The following PLEKHG1 variants were observed in gnomAD, a reference collection of about 807,000 sequenced individuals.
PLEKHG1 encodes pleckstrin homology and RhoGEF domain containing G1.
A neutral mutation model predicts 100.8 loss-of-function variants in PLEKHG1; 44 were observed. The observed-to-expected ratio is 0.44, with a 90% CI of 0.34 to 0.56. PLEKHG1 has a LOEUF of 0.56. Ranked by LOEUF, PLEKHG1 falls within the 20% of genes least tolerant of loss-of-function variation. The pLI is 0.01. For missense variants in PLEKHG1, 1,545 were observed against 1,720.9 expected (o/e 0.90, Z 1.81); for synonymous variants, 640 against 662.5 (o/e 0.97, Z 0.52).
chr6:150,788,437 C>G (rs761234353), intron 4 of PLEKHG1, among the ~76,000 whole-genome samples: 11 of 152,204 alleles, frequency 7.2e-5, no homozygotes, highest in Non-Finnish European at 1.5e-4. Context: ...GGGGCCTGCA[C>G]AGAGATTCAT....
chr6:150,831,090 T>C lies in PLEKHG1; in HGVS notation c.1979T>C (p.Val660Ala), dbSNP rs2128687618. The C allele has an allele frequency of 1.2e-6, 2 of 1,614,084 alleles. No individual in the cohort carries two copies. The highest frequency in any genetic ancestry group is 1.7e-6 in the Non-Finnish European group (2 of 1,179,994). ...TTGACTATTGATGACATAGACCATG[T>C]CTATGATAACATCAGTTATGAGGAC... is the stretch of plus-strand genomic sequence containing the variant. Residue 660 changes from valine (V) to alanine (A), a missense_variant, in exon 15 of 16, where the codon GTC (valine) becomes GCC (alanine). Physicochemically the swap from Val to Ala is moderately conservative, Grantham distance 64. Transcript: ENST00000358517. This position sits in a 1 kb window ranked among gnomAD's most constrained non-coding sequence, Gnocchi z 4.1.
At chr6:150,809,827 T>G in intron 10 of PLEKHG1, 93 bp downstream of exon 11, 1 of 846,914 alleles carries the variant, frequency 1.2e-6, no homozygotes. Flanking sequence ...CGAGATCACA[T>G]CATTGAACTC....
Position 150,648,000 on chromosome 6 carries a change from G to C in PLEKHG1, c.-157-2728G>C, listed in dbSNP as rs1389431312. Among the ~76,000 whole-genome samples the C allele has an allele frequency of 2.6e-5, 4 of 151,518 alleles. No homozygotes were observed. In the East Asian group the frequency reaches 7.8e-4, roughly 29 times the overall value. On this transcript the variant is annotated intron_variant, in intron 2 of 3. Transcript: ENST00000367326. ...TTTCTTTTTTTAAAAAAGTACATTT[G>C]CATTTTTCATCATTTCTCATGAGGG...
rs1776760219 is a variant in PLEKHG1, at chr6:150,610,120, CT to C, written c.-204+10110del. On this transcript the variant is annotated intron_variant, in intron 1 of 3. Transcript: ENST00000367326. ...TCTTTCCTTCTTTCCTTCTTTCTTT[CT>C]TTTTTTCTCTCACTCTGTCACCCAG... Among the ~76,000 whole-genome samples the C allele has an allele frequency of 1.3e-5, 2 of 151,684 alleles. 1 individual carries two copies. The highest frequency in any genetic ancestry group is 4.2e-4 in the South Asian group (2 of 4,816).
chr6:150,705,334 CTT>C lies in PLEKHG1; in HGVS notation c.-98-28247_-98-28246del, dbSNP rs1228167928. 3.9e-5 allele frequency among the ~76,000 whole-genome samples: 6 copies of C among 152,230 alleles called. No homozygotes were observed. The South Asian group carries it at 1.2e-3, about 31-fold the overall frequency. ...ATGGTTTATCTCATCTTCAGGGAAA[CTT>C]TTAAAAAATAAAATCCTGGGATGGG... On this transcript the variant is annotated intron_variant, in intron 3 of 3. Coordinates refer to the PLEKHG1 transcript ENST00000367326.
chr6:150,630,149 G>T (rs928257662), intron 1 of PLEKHG1, among the ~76,000 whole-genome samples: 2 of 152,210 alleles, frequency 1.3e-5, no homozygotes, highest in African/African-American at 4.8e-5. Context: ...TACATGGAAA[G>T]AATGGTACCT....
chr6:150,789,329 C>T (rs991626883), intron 4 of PLEKHG1, among the ~76,000 whole-genome samples: 5 of 151,992 alleles, frequency 3.3e-5, no homozygotes, highest in Non-Finnish European at 5.9e-5. Context: ...CCTTCTAAGC[C>T]GATTTGGGGT....
rs1444047379 is a variant in PLEKHG1, at chr6:150,683,786, G to C, written c.-99+33000G>C. ...AGATGGAGCCATTCTTGGTGGGGCG[G>C]AAGAGGCAGGAAACTGCTGCCTGGA... is the stretch of plus-strand genomic sequence containing the variant. On this transcript the variant is annotated intron_variant, in intron 3 of 3. Transcript: ENST00000367326. This position sits in a 1 kb window ranked among gnomAD's most constrained non-coding sequence, Gnocchi z 4.0. 1 of 1,288,524 alleles carries C rather than the reference G, an allele frequency of 7.8e-7. No homozygotes were observed. The highest frequency in any genetic ancestry group is 1.0e-6 in the Non-Finnish European group (1 of 988,570). 79.8% of individuals were successfully genotyped at this position (1,288,524 alleles called of 1,614,324 possible).
At chr6:150,602,946 T>C (rs917044098) in intron 1 of PLEKHG1, among the ~76,000 whole-genome samples, 1 of 151,040 alleles carries the variant, frequency 6.6e-6, no homozygotes, top group Non-Finnish European at 1.5e-5. Context: ...CCGGGCGAGG[T>C]GGCGGGCACC....
intron 4 of PLEKHG1, among the ~76,000 whole-genome samples, chr6:150,790,820 A>G (rs1414257048): frequency 6.6e-6 from 1 of 151,958 alleles, no homozygotes; most frequent in Admixed American, 6.6e-5. Context: ...TCAGGAGTTC[A>G]AGATCAGCTT....
intron 3 of PLEKHG1, among the ~76,000 whole-genome samples, chr6:150,685,285 G>A (rs749613832): frequency 1.3e-5 from 2 of 152,084 alleles, no homozygotes; most frequent in Non-Finnish European, 2.9e-5. Context: ...TTGACTCTGG[G>A]TGTGACAGGA....
At chr6:150,690,824 C>T (rs1486711988) in intron 3 of PLEKHG1, among the ~76,000 whole-genome samples, 5 of 152,170 alleles carry the variant, frequency 3.3e-5, no homozygotes, top group African/African-American at 1.2e-4. Context: ...CGGTTATTTT[C>T]GTGCCTGTGT....
intron 3 of PLEKHG1, among the ~76,000 whole-genome samples, chr6:150,686,397 T>G (rs1422959622): frequency 3.9e-5 from 6 of 152,176 alleles, no homozygotes; most frequent in Non-Finnish European, 8.8e-5. Context: ...GGAAAAACAA[T>G]GCCTGAAAGC....
intron 1 of PLEKHG1, among the ~76,000 whole-genome samples, chr6:150,631,728 G>A (rs1238286007): frequency 6.6e-6 from 1 of 152,208 alleles, no homozygotes; most frequent in Non-Finnish European, 1.5e-5. Flanking sequence ...CCCACCTACA[G>A]ATGCTTCAGA....
chr6:150,702,554 T>TGG (rs1329977970), intron 3 of PLEKHG1, among the ~76,000 whole-genome samples: 7 of 50,646 alleles, frequency 1.4e-4, no homozygotes, highest in East Asian at 7.6e-4. Context: ...CATTTTGTTT[T>TGG]GGGGTGTGTG....
intron 1 of PLEKHG1, among the ~76,000 whole-genome samples, chr6:150,609,875 T>C (rs1165658864): frequency 1.3e-5 from 2 of 152,106 alleles, no homozygotes. Flanking sequence ...TTGGACAGCA[T>C]AGCTACTGTT....
chr6:150,642,107 G>A (rs1041873299), intron 2 of PLEKHG1, among the ~76,000 whole-genome samples: 104 of 152,088 alleles, frequency 6.8e-4, no homozygotes, highest in Non-Finnish European at 1.3e-3. Context: ...TATTAAATAA[G>A]TGGCACAAGA....
chr6:150,695,125 G>C (rs1444109587), intron 3 of PLEKHG1, among the ~76,000 whole-genome samples: 3 of 152,122 alleles, frequency 2.0e-5, no homozygotes, highest in Non-Finnish European at 4.4e-5. Context: ...AAGTTTGTAA[G>C]TCTTTTGCTC....
At chr6:150,755,798 A>C (rs911208026) in intron 2 of PLEKHG1, among the ~76,000 whole-genome samples, 9 of 152,218 alleles carry the variant, frequency 5.9e-5, no homozygotes, top group Non-Finnish European at 1.2e-4. Flanking sequence ...TGCATCCGGC[A>C]GTGCCTTACC....
Sources: allele counts gnomAD v4.1 joint callset (sites outside exome capture counted in the v4.1 genomes callset), GRCh38; gene constraint gnomAD v4.1.1; non-coding constraint Gnocchi (gnomAD v3.1); transcripts MANE v1.5; gene names NCBI Gene and HGNC (gene_info 2026-07-23, HGNC 2026-07-21).